MEF2A: variants seen among roughly 807,000 people sequenced by gnomAD.
MEF2A encodes the protein myocyte enhancer factor 2A, also known as myocyte-specific enhancer factor 2A.
MEF2A carries 28 observed loss-of-function variants against 55.8 expected under a neutral mutation model. The ratio of observed to expected loss-of-function variants is 0.50; its 90% CI spans 0.37 to 0.69. The LOEUF (loss-of-function observed/expected upper bound fraction) is 0.69, where lower values mean the gene tolerates loss of function less well. MEF2A is among the 30% of genes least tolerant of loss of function. MEF2A has a pLI of 0.00. For synonymous variants in MEF2A, 239 were observed against 227.1 expected (o/e 1.05, Z -0.47); for missense variants, 528 against 626.2 (o/e 0.84, Z 1.67).
At chr15:99,632,350 G>A (rs2043080595) in intron 2 of MEF2A, among the ~76,000 whole-genome samples, 1 of 152,218 alleles carries the variant, frequency 6.6e-6, no homozygotes, top group Non-Finnish European at 1.5e-5. Flanking sequence ...GTATATAGTG[G>A]CTTTGTGAAT....
Position 99,683,389 on chromosome 15 carries a change from T to C in MEF2A, c.671-6852T>C, listed in dbSNP as rs141373197. On this transcript the variant is annotated intron_variant, in intron 7 of 11. Coordinates refer to ENST00000557942, the MANE Select transcript of MEF2A (RefSeq NM_001319206.4). ...GAGGGTAAGGAAGAAAAAACCACAC[T>C]AATCATCTGGAACTCAGAAATTCTT... 7.9e-5 allele frequency among the ~76,000 whole-genome samples: 12 copies of C among 152,282 alleles called. No homozygotes were observed. The East Asian group carries it at 2.3e-3, about 29-fold the overall frequency.
chr15:99,675,255 A>G (rs2153648788), intron 6 of MEF2A, 144 bp from the exon 7 acceptor site: 1 of 739,988 alleles, frequency 1.4e-6, no homozygotes, highest in Non-Finnish European at 2.4e-6. Context: ...GTTAATGCCA[A>G]CTTCAGACTG....
intron 2 of MEF2A, among the ~76,000 whole-genome samples, chr15:99,602,653 GGTGTGTGTGTGTGT>G (rs773502316): frequency 1.0e-3 from 47 of 44,866 alleles, no homozygotes; most frequent in African/African-American, 1.2e-3. Context: ...ACATTCCTGG[GGTGTGTGTGTGTGT>G]GTGTGTGTGT....
intron 8 of MEF2A, among the ~76,000 whole-genome samples, chr15:99,693,562 A>G (rs1359682674): frequency 6.6e-6 from 1 of 152,112 alleles, no homozygotes; most frequent in Non-Finnish European, 1.5e-5. Flanking sequence ...TTTCTTCACA[A>G]ACTAAACTAT....
Position 99,567,784 on chromosome 15 carries a change from A to G in MEF2A, c.-225+1680A>G, listed in dbSNP as rs547108177. Among the ~76,000 whole-genome samples, 37 of 152,278 alleles carry G rather than the reference A, an allele frequency of 2.4e-4. No homozygotes were observed. In the South Asian group the frequency reaches 7.3e-3, roughly 30 times the overall value. ...GATTAGTTTATATTAAATGTCATAA[A>G]CACACACCTGTATATCATAAAACAT... On this transcript the variant is annotated intron_variant, in intron 1 of 11. Coordinates refer to ENST00000557942, the MANE Select transcript of MEF2A (RefSeq NM_001319206.4).
At chr15:99,618,514 A>G (rs1358498767) in intron 2 of MEF2A, among the ~76,000 whole-genome samples, 1 of 152,190 alleles carries the variant, frequency 6.6e-6, no homozygotes, top group Non-Finnish European at 1.5e-5. Flanking sequence ...TGTTATATTT[A>G]TTGAATTTGA....
At chr15:99,570,561 T>C (rs925417542) in intron 1 of MEF2A, among the ~76,000 whole-genome samples, 3 of 152,220 alleles carry the variant, frequency 2.0e-5, no homozygotes, top group African/African-American at 7.2e-5. Flanking sequence ...ACCAGCAGCA[T>C]GCATGTGCAG....
intron 8 of MEF2A, chr15:99,690,630 T>TA (rs1180485739): frequency 1.4e-6 from 1 of 695,812 alleles, no homozygotes; most frequent in Admixed American, 2.0e-5. Context: ...GCTTAACAGT[T>TA]ACTTAAAATT....
chr15:99,622,262 C>G (rs2041308878), intron 2 of MEF2A, among the ~76,000 whole-genome samples: 1 of 152,076 alleles, frequency 6.6e-6, no homozygotes. Flanking sequence ...TTCCTGTTGC[C>G]TGAATAACAG....
intron 6 of MEF2A, 78 bp downstream of exon 6, chr15:99,674,690 A>G: frequency 8.4e-7 from 1 of 1,194,132 alleles, no homozygotes. Context: ...GCAGTTTCTT[A>G]TTTTGCTATT....
intron 4 of MEF2A, among the ~76,000 whole-genome samples, chr15:99,670,583 C>T (rs1418934369): frequency 6.6e-6 from 1 of 151,922 alleles, no homozygotes; most frequent in Non-Finnish European, 1.5e-5. Flanking sequence ...GCACTCCATC[C>T]TGGGCGACAG....
At chr15:99,685,038 T>A (rs2153693586) in intron 7 of MEF2A, among the ~76,000 whole-genome samples, 1 of 152,338 alleles carries the variant, frequency 6.6e-6, no homozygotes, top group Non-Finnish European at 1.5e-5. Context: ...TCTATTCTGT[T>A]CCATTGGTCT....
chr15:99,691,085 C>A (rs1368160442), intron 8 of MEF2A, among the ~76,000 whole-genome samples: 1 of 148,072 alleles, frequency 6.8e-6, no homozygotes, highest in Non-Finnish European at 1.5e-5. Flanking sequence ...TAATATGTAA[C>A]ACCTTTCGAA....
intron 2 of MEF2A, among the ~76,000 whole-genome samples, chr15:99,609,385 T>C (rs1976336594): frequency 6.6e-6 from 1 of 152,248 alleles, no homozygotes; most frequent in African/African-American, 2.4e-5. Flanking sequence ...TTGTAGGGTA[T>C]GTTCTGCCTT....
intron 7 of MEF2A, among the ~76,000 whole-genome samples, chr15:99,677,959 T>A (rs1033869811): frequency 1.3e-5 from 2 of 152,184 alleles, no homozygotes; most frequent in Non-Finnish European, 2.9e-5. Flanking sequence ...TTTTGTGGTA[T>A]TGTAAATCAG....
intron 1 of MEF2A, among the ~76,000 whole-genome samples, chr15:99,578,752 G>A (rs1965086008): frequency 6.6e-6 from 1 of 152,148 alleles, no homozygotes; most frequent in Non-Finnish European, 1.5e-5. Context: ...AAAGCCACAG[G>A]GTTCGTGTGA....
At chr15:99,626,918 G>C (rs1355890109) in intron 2 of MEF2A, among the ~76,000 whole-genome samples, 1 of 152,106 alleles carries the variant, frequency 6.6e-6, no homozygotes, top group African/African-American at 2.4e-5. Context: ...AATCAACAAG[G>C]AATTGGGAAA....
chr15:99,711,108 TG>T (rs1367698547), intron 11 of MEF2A, among the ~76,000 whole-genome samples: 1 of 152,216 alleles, frequency 6.6e-6, no homozygotes, highest in Non-Finnish European at 1.5e-5. Flanking sequence ...AGCTGCCTAC[TG>T]CACCCCTGCT....
intron 2 of MEF2A, among the ~76,000 whole-genome samples, chr15:99,602,829 A>G (rs1260608937): frequency 2.7e-5 from 4 of 149,380 alleles, no homozygotes; most frequent in Non-Finnish European, 4.4e-5. Context: ...TGCCCTGCTC[A>G]TGTCTGACTA....
Sources: allele counts gnomAD v4.1 joint callset (sites outside exome capture counted in the v4.1 genomes callset), GRCh38; gene constraint gnomAD v4.1.1; transcripts MANE v1.5; gene names NCBI Gene and HGNC (gene_info 2026-07-23, HGNC 2026-07-21).